Variants in FASN observed in about 807,000 individuals in gnomAD.
The protein encoded by FASN is 3-hydroxyacyl-[acyl-carrier-protein] dehydratase.
Under a neutral mutation model 250.0 loss-of-function variants are expected in FASN, and 50 were observed. That is an observed-to-expected ratio of 0.20 (90% CI 0.16 to 0.25). FASN has a LOEUF of 0.25. FASN is among the 10% of genes least tolerant of loss of function. FASN has a pLI of 1.00. For missense variants in FASN, 3,031 were observed against 3,498.5 expected, an observed-to-expected ratio of 0.87 and a Z score of 3.37; for synonymous variants, 1,909 against 1,584.0, an observed-to-expected ratio of 1.21 and a Z score of -4.87.
chr17:82,081,835 C>G lies in FASN; in HGVS notation c.6172G>C (p.Val2058Leu). ...ACGTCGCCGATGGCGCCCCACTGCACGGCCAGGCCTGTGGGGGAGGGGGCA... is the reference window on the plus strand; with the variant it reads ...ACGTCGCCGATGGCGCCCCACTGCAGGGCCAGGCCTGTGGGGGAGGGGGCA... ...RRHEGLPGLA[V>L]QWGAIGDVGI... Residue 2058 changes from valine to leucine, a missense_variant, in exon 37 of 43, where the codon GTG becomes CTG. Val to Leu is a conservative substitution (Grantham distance 32, BLOSUM62 1). Coordinates refer to ENST00000306749, the MANE Select transcript of FASN (RefSeq NM_004104.5). 1.9e-6 allele frequency: 3 copies of G among 1,597,654 alleles called. No individual in the cohort carries two copies. The highest frequency in any genetic ancestry group is 2.6e-6 in the Non-Finnish European group (3 of 1,173,746).
At chr17:82,088,661 TGCCACCG>T (rs1160490392) in intron 15 of FASN, 93 bp downstream of exon 15, 1 of 1,510,318 alleles carries the variant, frequency 6.6e-7, no homozygotes, top group African/African-American at 1.4e-5. Flanking sequence ...CCAGGGCTGC[TGCCACCG>T]GCCTGGGTCA....
chr17:82,095,425 T>C lies in FASN; in HGVS notation c.175A>G (p.Arg59Gly). ...ACTCCGAAGAAGGAGGCATCAAACCTAGACAGGTCCTTCAGCTTGCCGGAC... is the reference window on the plus strand; with the variant it reads ...ACTCCGAAGAAGGAGGCATCAAACCCAGACAGGTCCTTCAGCTTGCCGGAC... The part of the protein sequence containing the change: ...RRSGKLKDLS[R>G]FDASFFGVHP... The change falls in exon 3 of 43, where the codon AGG becomes GGG. Residue 59 changes from arginine (R) to glycine (G), a missense_variant. Physicochemically the swap from Arg to Gly is moderately radical, Grantham distance 125. Coordinates refer to ENST00000306749, the MANE Select transcript of FASN (RefSeq NM_004104.5). The C allele has an allele frequency of 6.2e-7, 1 of 1,612,966 alleles. No homozygotes were observed. The highest frequency in any genetic ancestry group is 1.7e-4 in the Middle Eastern group (1 of 6,052).
rs2033942676 is a variant in FASN at position 82,079,146 on chromosome 17, G to C, written c.7533C>G (p.Gly2511=). ...GGTGGCAGGCGGGGGCACGGGCCTAGCCCTCCCGCACGCTCACGCGTGGCT... is the reference window on the plus strand; with the variant it reads ...GGTGGCAGGCGGGGGCACGGGCCTACCCCTCCCGCACGCTCACGCGTGGCT... ...LAEPRVSVRE[G] The change falls in exon 43 of 43, where the codon GGC becomes GGG. Residue 2511 remains glycine (G), a synonymous_variant. Transcript: ENST00000306749. The C allele has an allele frequency of 6.2e-7, 1 of 1,611,156 alleles. No homozygotes were observed. The highest frequency in any genetic ancestry group is 1.3e-5 in the African/African-American group (1 of 74,942).
intron 35 of FASN, 28 bp from the exon 36 acceptor site, chr17:82,082,188 G>A (rs1202148006): frequency 6.2e-7 from 1 of 1,601,058 alleles, no homozygotes; most frequent in Non-Finnish European, 8.5e-7. Context: ...ACTCCCCATT[G>A]GCCAGCATCC....
Position 82,092,489 on chromosome 17 carries a change from G to A in FASN, c.995C>T (p.Pro332Leu), listed in dbSNP as rs765653931. 73 of 1,592,368 alleles carry A rather than the reference G, an allele frequency of 4.6e-5. No individual in the cohort carries two copies. The highest frequency in any genetic ancestry group is 1.7e-4 in the Middle Eastern group (1 of 5,934). Residue 332 changes from proline to leucine, a missense_variant, in exon 8 of 43, where the codon CCG (proline) becomes CTG (leucine). By Grantham distance (98) the Pro-to-Leu change is moderately conservative. Coordinates refer to ENST00000306749, the MANE Select transcript of FASN (RefSeq NM_004104.5). ...GGCTGCCAGCCCCGAGGCTGGCTCC[G>A]GGTGCCCCATGTTGGACTTGGTGGA... ...IGSTKSNMGH[P>L]EPASGLAALA...
At chr17:82,095,243 C>T (rs2034284050) in intron 3 of FASN, 77 bp downstream of exon 3, 1 of 1,536,104 alleles carries the variant, frequency 6.5e-7, no homozygotes, top group Non-Finnish European at 9.0e-7. Context: ...TCTACCAGAA[C>T]CAAGAAGAGA....
At position 82,081,677 on chromosome 17, in the gene FASN, C is replaced by G. The variant is rs2033989923; in HGVS notation, c.6330G>C (p.Val2110=). ...NQPHMVLSSF[V]LAEKAAAYRD... is the part of the protein sequence containing the mutation. The stretch of plus-strand genomic sequence containing the variant: ...TATAGGCCGCAGCCTTCTCAGCCAG[C>G]ACAAAGCTGCTCAGGACCATGTGGG... The change falls in exon 37 of 43, where the codon GTG becomes GTC. Residue 2110 remains valine, a synonymous_variant. Transcript: ENST00000306749. 6.2e-7 allele frequency: 1 copy of G among 1,612,808 alleles called. No homozygotes were observed. Among genetic ancestry groups the G allele is most frequent in the Non-Finnish European group, 8.5e-7 (1 of 1,180,014 alleles).
Position 82,089,243 on chromosome 17 carries a change from A to G in FASN, c.2100+7T>C, listed in dbSNP as rs1385023938. The G allele has an allele frequency of 1.2e-6, 2 of 1,612,278 alleles. No individual in the cohort carries two copies. The highest frequency in any genetic ancestry group is 2.7e-5 in the African/African-American group (2 of 74,846). On this transcript the variant is annotated splice_region_variant and intron_variant, in intron 13 of 42. Coordinates refer to ENST00000306749, the MANE Select transcript of FASN (RefSeq NM_004104.5). The stretch of plus-strand genomic sequence containing the variant: ...CGCCCCGCACCCCCCAGGCCGTATT[A>G]GTCCACCTTCTTGAGCTCCTGCAGC...
At chr17:82,097,169 G>T (rs1372955529) in intron 1 of FASN, 2 of 156,634 alleles carry the variant, frequency 1.3e-5, no homozygotes, top group Non-Finnish European at 2.8e-5. Context: ...CCAACCTGGA[G>T]AACCACTCCT....
chr17:82,088,102 G>A lies in FASN; in HGVS notation c.2785+14C>T, dbSNP rs199858025. On this transcript the variant is annotated intron_variant, in intron 17 of 42. Coordinates refer to ENST00000306749, the MANE Select transcript of FASN (RefSeq NM_004104.5). ...CCCCAGCTACCCCCGCCTTGGTCCTGGGGTACCCCTCACCAGTCTTGGGCA... is the reference window on the plus strand; with the variant it reads ...CCCCAGCTACCCCCGCCTTGGTCCTAGGGTACCCCTCACCAGTCTTGGGCA... The A allele has an allele frequency of 1.1e-4, 172 of 1,612,772 alleles. No individual in the cohort carries two copies. Among genetic ancestry groups the A allele is most frequent in the Middle Eastern group, 3.3e-4 (2 of 6,062 alleles).
In FASN at chr17:82,085,956, G is replaced by C. The variant is rs567129398; in HGVS notation, c.3733-85C>G. 17 of 1,419,210 alleles carry C rather than the reference G, an allele frequency of 1.2e-5. No homozygotes were observed. In the East Asian group the frequency reaches 2.2e-4, roughly 19 times the overall value. 87.9% of individuals were successfully genotyped at this position (1,419,210 alleles called of 1,614,324 possible). A position where few individuals can be genotyped will look rare whatever the true frequency, so the allele number is the denominator to read the frequency against. ...TGGGCAAAATGTCCATGAGGCCTCA[G>C]TCTGGCAGAAAGGCTTCCCCGTCAA... is the stretch of plus-strand genomic sequence containing the variant. On this transcript the variant is annotated intron_variant, in intron 22 of 42. Transcript: ENST00000306749.
In FASN at chr17:82,084,101, C is replaced by T. The variant is rs773290177; in HGVS notation, c.4972G>A (p.Ala1658Thr). The change falls in exon 29 of 43, where the codon GCG (alanine) becomes ACG (threonine). Residue 1658 changes from alanine (A) to threonine (T), a missense_variant. By Grantham distance (58) the Ala-to-Thr change is moderately conservative. Coordinates refer to ENST00000306749, the MANE Select transcript of FASN (RefSeq NM_004104.5). ...CGCACCCGCCCACGCACCACCAGCG[C>T]GTAGTAGGCCGTGCTGTAGACGACA... ...VPVVYSTAYY[A>T]LVVRGRVRPG... The T allele has an allele frequency of 6.4e-6, 10 of 1,570,362 alleles. No individual in the cohort carries two copies. The highest frequency in any genetic ancestry group is 4.1e-5 in the African/African-American group (3 of 73,750).
rs370590275 is a variant in FASN at position 82,083,119 on chromosome 17, C to T, written c.5566-4G>A. 49 of 1,610,004 alleles carry T rather than the reference C, an allele frequency of 3.0e-5. No individual in the cohort carries two copies. Among genetic ancestry groups the T allele is most frequent in the African/African-American group, 1.2e-4 (9 of 74,918 alleles). On this transcript the variant is annotated splice_region_variant and splice_polypyrimidine_tract_variant and intron_variant, in intron 32 of 42. Transcript: ENST00000306749. ...CCTCCGGCTCCTCCGCAAGCACCTG[C>T]GTCCAAGCAGCACCCACCGGCTCAG...
At chr17:82,095,239 A>C (rs1203370685) in intron 3 of FASN, 81 bp downstream of exon 3, 1 of 1,521,774 alleles carries the variant, frequency 6.6e-7, no homozygotes. Context: ...TGGTTCTACC[A>C]GAACCAAGAA....
At chr17:82,089,222 C>T in intron 13 of FASN, 28 bp downstream of exon 13, 1 of 1,610,774 alleles carries the variant, frequency 6.2e-7, no homozygotes, top group African/African-American at 1.3e-5. Flanking sequence ...CTGGCCCGCC[C>T]CGCACCCCCC....
chr17:82,081,118 T>C (rs545260142), intron 38 of FASN, 46 bp downstream of exon 38: 2 of 1,540,704 alleles, frequency 1.3e-6, no homozygotes, highest in Non-Finnish European at 1.8e-6. Context: ...GAGGAAGGGC[T>C]GGGGAGGCCC....
rs1239029306 is a variant in FASN at position 82,081,587 on chromosome 17, C to T, written c.6406+14G>A. On this transcript the variant is annotated intron_variant, in intron 37 of 42. Transcript: ENST00000306749. ...GGGGAAACACCTGGCGCGGCTCCTA[C>T]TGGGAGTGCTCACCCAGGATGTGTG... The T allele has an allele frequency of 1.2e-6, 2 of 1,611,920 alleles. No homozygotes were observed. Among genetic ancestry groups the T allele is most frequent in the Non-Finnish European group, 1.7e-6 (2 of 1,179,988 alleles).
In FASN at chr17:82,090,958, G is replaced by A. The variant is rs766416227; in HGVS notation, c.1604C>T (p.Ser535Leu). 10 of 1,612,752 alleles carry A rather than the reference G, an allele frequency of 6.2e-6. No homozygotes were observed. The highest frequency in any genetic ancestry group is 8.5e-6 in the Non-Finnish European group (10 of 1,179,964). ...CTCGTCTGTGCTCAGCAGCAGCTGT[G>A]ACACCTTCAGGCCGAATGGCTTCAC... is the stretch of plus-strand genomic sequence containing the variant. ...EAVKPFGLKVSQLLLSTDEST... is the reference protein window; with the variant it reads ...EAVKPFGLKVLQLLLSTDEST... The change falls in exon 10 of 43, where the codon TCA (serine) becomes TTA (leucine). Residue 535 changes from serine (S) to leucine (L), a missense_variant. By Grantham distance (145) the Ser-to-Leu change is moderately radical (BLOSUM62 -2). Coordinates refer to ENST00000306749, the MANE Select transcript of FASN (RefSeq NM_004104.5).
At chr17:82,086,749 A>T (rs1439344988) in intron 21 of FASN, among the ~76,000 whole-genome samples, 191 bp from the exon 22 acceptor site, 1 of 152,194 alleles carries the variant, frequency 6.6e-6, no homozygotes, top group Non-Finnish European at 1.5e-5. Flanking sequence ...GGACGCAGTG[A>T]GGGGCCGCAT....
Sources: gnomAD v4.1 joint callset for allele counts (sites outside exome capture counted in the v4.1 genomes callset) on GRCh38, gnomAD v4.1.1 for gene constraint, MANE v1.5 for transcripts, NCBI Gene and HGNC (gene_info 2026-07-23, HGNC 2026-07-21) for gene names.